Variants in SNAP25 observed in about 807,000 individuals in gnomAD.
SNAP25 encodes the protein synaptosome associated protein 25.
In SNAP25, 3 loss-of-function variants were observed where a neutral mutation model predicts 28.7. The observed-to-expected ratio is 0.10, with a 90% CI of 0.05 to 0.27. The LOEUF is 0.27. SNAP25 is among the 10% of genes least tolerant of loss of function. SNAP25 has a pLI of 1.00. For missense variants in SNAP25, 117 were observed against 278.7 expected (o/e 0.42, Z 4.13); for synonymous variants, 61 against 88.1 (o/e 0.69, Z 1.72).
At chr20:10,263,715 G>A (rs2063459449) in intron 1 of SNAP25, among the ~76,000 whole-genome samples, 1 of 152,192 alleles carries the variant, frequency 6.6e-6, no homozygotes, top group Non-Finnish European at 1.5e-5. Context: ...TTCTGTCCTA[G>A]GATGGGGAAG....
chr20:10,282,146 GGGAAGGAAGGAAGGATGGAAGGAA>G (rs769912568), intron 3 of SNAP25, among the ~76,000 whole-genome samples: 6,405 of 126,430 alleles, frequency 0.051, 233 homozygotes, highest in Middle Eastern at 0.061. Context: ...GAAGGAAGGA[GGGAAGGAAGGAAGGATGGAAGGAA>G]GGAAGGAAGG....
chr20:10,293,128 T>C lies in SNAP25; in HGVS notation c.164-33T>C. The C allele has an allele frequency of 3.2e-6, 5 of 1,586,228 alleles. No homozygotes were observed. The highest frequency in any genetic ancestry group is 4.3e-6 in the Non-Finnish European group (5 of 1,155,932). On this transcript the variant is annotated intron_variant, in intron 4 of 7. Transcript: ENST00000254976. This position sits in a 1 kb window ranked among gnomAD's most constrained non-coding sequence, Gnocchi z 5.6. ...TCTTTGTCCTTTTCCATCTGCTTCA[T>C]TCTGTGGGGATAAAATACTTGTGTT...
At chr20:10,239,738 G>A (rs1041023466) in intron 1 of SNAP25, among the ~76,000 whole-genome samples, 1 of 152,174 alleles carries the variant, frequency 6.6e-6, no homozygotes, top group East Asian at 1.9e-4. Context: ...ATGCTAGTCA[G>A]TGGGGTGGCC....
At chr20:10,297,195 G>A (rs2064132495) in intron 6 of SNAP25, 145 bp downstream of exon 6, 5 of 1,134,882 alleles carry the variant, frequency 4.4e-6, no homozygotes, top group Non-Finnish European at 5.8e-6. Context: ...GCCTTTCCTG[G>A]ACCTTGCCTG....
chr20:10,263,071 T>G (rs1300551499), intron 1 of SNAP25, among the ~76,000 whole-genome samples: 3 of 131,308 alleles, frequency 2.3e-5, no homozygotes, highest in African/African-American at 8.7e-5. Flanking sequence ...CAGGCTGGAG[T>G]GCAGTGGCGC....
intron 1 of SNAP25, among the ~76,000 whole-genome samples, chr20:10,263,316 G>A (rs1452387947): frequency 6.6e-6 from 1 of 150,464 alleles, no homozygotes; most frequent in Non-Finnish European, 1.5e-5. Context: ...ACCGCACCAG[G>A]CCAACCCTGG....
At chr20:10,222,720 G>C (rs1294112981) in intron 1 of SNAP25, among the ~76,000 whole-genome samples, 1 of 152,158 alleles carries the variant, frequency 6.6e-6, no homozygotes, top group Non-Finnish European at 1.5e-5. Context: ...TCCAGAAGTA[G>C]AGGGGAGCAA....
Position 10,293,334 on chromosome 20 carries a change from TTGACAAGCTCATTCC to T in SNAP25, c.281+59_281+73del. ...ATTTCCCAAGGCCCATCTCCAAGCC[TTGACAAGCTCATTCC>T]TGCCAAGCTCATAGGCAGGATGAGC... On this transcript the variant is annotated intron_variant, in intron 5 of 7. Transcript: ENST00000254976. The surrounding 1 kb of genome is among the most constrained non-coding windows in gnomAD (Gnocchi z 5.6). 11 of 1,369,706 alleles carry T rather than the reference TTGACAAGCTCATTCC, an allele frequency of 8.0e-6. No individual in the cohort carries two copies. The highest frequency in any genetic ancestry group is 1.1e-5 in the Non-Finnish European group (11 of 958,938). 84.8% of individuals were successfully genotyped at this position (1,369,706 alleles called of 1,614,324 possible). A position where few individuals can be genotyped will look rare whatever the true frequency, so the allele number is the denominator to read the frequency against.
chr20:10,275,475 C>CA lies in SNAP25; in HGVS notation c.-16dup. ...TGACCCCCCAGCCCAGGCGCCCAGC[C>CA]ACTCCCCACCGCTACCATGGCCGAA... On this transcript the variant is annotated 5_prime_UTR_variant, in exon 2 of 8. Transcript: ENST00000254976. 1 of 1,596,228 alleles carries CA rather than the reference C, an allele frequency of 6.3e-7. No individual in the cohort carries two copies. Among genetic ancestry groups the CA allele is most frequent in the Non-Finnish European group, 8.5e-7 (1 of 1,171,110 alleles).
intron 1 of SNAP25, among the ~76,000 whole-genome samples, chr20:10,250,755 T>C (rs1431480660): frequency 2.6e-5 from 4 of 152,318 alleles, no homozygotes; most frequent in Non-Finnish European, 4.4e-5. Flanking sequence ...TGATCAATGA[T>C]GGATAGATGG....
chr20:10,295,850 G>A (rs1396507058), intron 5 of SNAP25, among the ~76,000 whole-genome samples: 2 of 152,154 alleles, frequency 1.3e-5, no homozygotes, highest in Admixed American at 6.5e-5. Context: ...CAATAGGTAT[G>A]CCTGGATTTT....
Position 10,293,357 on chromosome 20 carries a change from C to A in SNAP25, c.281+79C>A. On this transcript the variant is annotated intron_variant, in intron 5 of 7. Transcript: ENST00000254976. The surrounding 1 kb of genome is among the most constrained non-coding windows in gnomAD (Gnocchi z 5.6). ...CCTTGACAAGCTCATTCCTGCCAAGCTCATAGGCAGGATGAGCATGTGGCA... is the reference window on the plus strand; with the variant it reads ...CCTTGACAAGCTCATTCCTGCCAAGATCATAGGCAGGATGAGCATGTGGCA... 9.3e-7 allele frequency: 1 copy of A among 1,075,130 alleles called. No homozygotes were observed. Among genetic ancestry groups the A allele is most frequent in the Non-Finnish European group, 1.4e-6 (1 of 696,062 alleles). 66.6% of individuals were successfully genotyped at this position (1,075,130 alleles called of 1,614,324 possible). A position where few individuals can be genotyped will look rare whatever the true frequency, so the allele number is the denominator to read the frequency against.
At chr20:10,242,112 A>G (rs1248495880) in intron 1 of SNAP25, among the ~76,000 whole-genome samples, 1 of 152,208 alleles carries the variant, frequency 6.6e-6, no homozygotes, top group East Asian at 1.9e-4. Context: ...CGCCTGGAGC[A>G]GAAGAGAAGC....
chr20:10,255,784 G>C (rs1834669147), intron 1 of SNAP25, among the ~76,000 whole-genome samples: 1 of 152,136 alleles, frequency 6.6e-6, no homozygotes, highest in Admixed American at 6.5e-5. Context: ...ATATGGCTTT[G>C]ATAACTTTGG....
intron 1 of SNAP25, among the ~76,000 whole-genome samples, chr20:10,264,652 G>A (rs1226468406): frequency 6.6e-6 from 1 of 152,142 alleles, no homozygotes; most frequent in Non-Finnish European, 1.5e-5. Context: ...TGGATAGTTT[G>A]GATAGTTTGG....
intron 1 of SNAP25, among the ~76,000 whole-genome samples, chr20:10,264,181 A>G (rs1264363268): frequency 6.6e-6 from 1 of 152,056 alleles, no homozygotes; most frequent in Non-Finnish European, 1.5e-5. Flanking sequence ...CCTAAAATAC[A>G]AAACCCAAGC....
At chr20:10,281,728 A>G (rs926816387) in intron 3 of SNAP25, among the ~76,000 whole-genome samples, 1 of 152,228 alleles carries the variant, frequency 6.6e-6, no homozygotes, top group African/African-American at 2.4e-5. Flanking sequence ...AGAATTCCAC[A>G]AAAAGAAAGG....
intron 1 of SNAP25, among the ~76,000 whole-genome samples, chr20:10,255,800 A>C (rs1227064927): frequency 6.6e-6 from 1 of 152,178 alleles, no homozygotes; most frequent in African/African-American, 2.4e-5. Context: ...TTTGGGCTTC[A>C]TTTACGGATT....
At chr20:10,262,595 A>C (rs1204010092) in intron 1 of SNAP25, among the ~76,000 whole-genome samples, 1 of 150,574 alleles carries the variant, frequency 6.6e-6, no homozygotes, top group Non-Finnish European at 1.5e-5. Flanking sequence ...TAAAAAAAAA[A>C]TAGCTCATAA....
Sources: allele counts gnomAD v4.1 joint callset (sites outside exome capture counted in the v4.1 genomes callset), GRCh38; gene constraint gnomAD v4.1.1; non-coding constraint Gnocchi (gnomAD v3.1); transcripts MANE v1.5; gene names NCBI Gene and HGNC (gene_info 2026-07-23, HGNC 2026-07-21).